The following CDC42SE2 variants were observed in gnomAD, a reference collection of about 807,000 sequenced individuals.
CDC42SE2 encodes CDC42 small effector protein 2.
In CDC42SE2, 3 loss-of-function variants were observed where a neutral mutation model predicts 11.5. The observed-to-expected ratio is 0.26, with a 90% CI of 0.12 to 0.67. CDC42SE2 has a LOEUF of 0.67. Ranked by LOEUF, CDC42SE2 falls within the 30% of genes least tolerant of loss-of-function variation. The pLI, the probability that CDC42SE2 is intolerant of heterozygous loss-of-function variation, is 0.80. For missense variants in CDC42SE2, 82 were observed against 106.8 expected, an observed-to-expected ratio of 0.77 and a Z score of 1.02; for synonymous variants, 33 against 34.8, an observed-to-expected ratio of 0.95 and a Z score of 0.18.
the CDC42SE2 span, among the ~76,000 whole-genome samples, chr5:131,213,805 T>G: frequency 6.6e-6 from 1 of 152,248 alleles, no homozygotes; most frequent in East Asian, 1.9e-4. Flanking sequence ...TTCTGGCAAT[T>G]CATTGTTAAT....
At chr5:131,331,504 C>T (rs997173018) in intron 2 of CDC42SE2, among the ~76,000 whole-genome samples, 3 of 152,048 alleles carry the variant, frequency 2.0e-5, no homozygotes, top group African/African-American at 4.8e-5. Flanking sequence ...GATAATACCG[C>T]TTAGGATTAC....
intron 2 of CDC42SE2, among the ~76,000 whole-genome samples, chr5:131,344,369 G>C (rs971418443): frequency 2.0e-5 from 3 of 152,212 alleles, no homozygotes; most frequent in Admixed American, 6.5e-5. Context: ...GCCTGACTAA[G>C]AGGGTCCCAT....
intron 1 of CDC42SE2, among the ~76,000 whole-genome samples, chr5:131,309,241 A>G (rs1268880645): frequency 1.3e-5 from 2 of 151,412 alleles, no homozygotes; most frequent in Non-Finnish European, 3.0e-5. Context: ...TATATGCTGG[A>G]TTACATTTAT....
chr5:131,266,218 A>G (rs921841640), intron 1 of CDC42SE2, among the ~76,000 whole-genome samples: 121 of 152,272 alleles, frequency 7.9e-4, no homozygotes, highest in African/African-American at 2.7e-3. Context: ...ATCTATTTAT[A>G]TATGTTTAAA....
chr5:131,359,601 T>TC, intron 3 of CDC42SE2, 54 bp downstream of exon 3: 1 of 1,309,788 alleles, frequency 7.6e-7, no homozygotes, highest in South Asian at 1.2e-5. Flanking sequence ...AACTTTCCAC[T>TC]GGTTCTCAAA....
the CDC42SE2 span, among the ~76,000 whole-genome samples, chr5:131,223,655 C>G: frequency 6.6e-6 from 1 of 152,188 alleles, no homozygotes; most frequent in East Asian, 1.9e-4. Flanking sequence ...TTTAACCCTT[C>G]ACTAAATCAT....
At chr5:131,232,389 A>G in the CDC42SE2 span, among the ~76,000 whole-genome samples, 1 of 152,140 alleles carries the variant, frequency 6.6e-6, no homozygotes, top group African/African-American at 2.4e-5. Context: ...TGCTAGGATT[A>G]CAGGTTTGAA....
intron 1 of CDC42SE2, among the ~76,000 whole-genome samples, chr5:131,249,168 C>T (rs2149682738): frequency 6.6e-6 from 1 of 152,098 alleles, no homozygotes; most frequent in East Asian, 1.9e-4. Flanking sequence ...CAGGCATACA[C>T]CACCACGCCT....
rs1472405327 is a variant in CDC42SE2, at chr5:131,311,008, C to T, written c.-454-4968C>T. Among the ~76,000 whole-genome samples the T allele has an allele frequency of 4.7e-5, 7 of 149,850 alleles. No individual in the cohort carries two copies. In the East Asian group the frequency reaches 7.8e-4, roughly 17 times the overall value. On this transcript the variant is annotated intron_variant, in intron 1 of 4. Transcript: ENST00000505065. Reference sequence around the variant, plus strand: ...TATGATGTTAGCTGGTTATTTTGCTCGTTAGTTGATGCAGTTTCTTCCTAG... The same window carrying T: ...TATGATGTTAGCTGGTTATTTTGCTTGTTAGTTGATGCAGTTTCTTCCTAG...
chr5:131,386,899 G>T (rs1750503440), intron 4 of CDC42SE2, among the ~76,000 whole-genome samples: 2 of 152,198 alleles, frequency 1.3e-5, no homozygotes. Flanking sequence ...AGGTAGATGG[G>T]TATCCTGGAT....
At chr5:131,283,001 C>T (rs931809290) in intron 1 of CDC42SE2, among the ~76,000 whole-genome samples, 11 of 149,590 alleles carry the variant, frequency 7.4e-5, no homozygotes, top group African/African-American at 2.7e-4. Flanking sequence ...AGTCTCGGCT[C>T]ACCGCAGCCT....
At position 131,359,259 on chromosome 5, in the gene CDC42SE2, G is replaced by C. The variant is rs555769542; in HGVS notation, c.-235G>C. ...AGACAACAATTTTTATACCTTCGTCGTGGTTCAGAAAGGAGTCTCTGTAGA... is the reference window on the plus strand; with the variant it reads ...AGACAACAATTTTTATACCTTCGTCCTGGTTCAGAAAGGAGTCTCTGTAGA... On this transcript the variant is annotated 5_prime_UTR_variant, in exon 3 of 5. Coordinates refer to ENST00000505065, the MANE Select transcript of CDC42SE2 (RefSeq NM_001375635.1). 1.8e-6 allele frequency: 1 copy of C among 541,764 alleles called. No individual in the cohort carries two copies. Among genetic ancestry groups the C allele is most frequent in the East Asian group, 3.1e-5 (1 of 32,314 alleles). The allele number at this position is 541,764 out of a possible 1,614,324, so 33.6% of individuals were successfully genotyped here.
At chr5:131,339,821 AAAGAG>A (rs963373079) in intron 2 of CDC42SE2, among the ~76,000 whole-genome samples, 16 of 150,402 alleles carry the variant, frequency 1.1e-4, no homozygotes, top group Middle Eastern at 3.4e-3. Flanking sequence ...AAAAAAAAAA[AAAGAG>A]AGAGAAAATT....
chr5:131,355,312 A>C (rs547233608), intron 2 of CDC42SE2, among the ~76,000 whole-genome samples: 2 of 152,258 alleles, frequency 1.3e-5, no homozygotes, highest in East Asian at 3.9e-4. Context: ...CCCTGTCTCT[A>C]TAAAAAGTTC....
At chr5:131,336,153 G>A (rs1420448099) in intron 2 of CDC42SE2, among the ~76,000 whole-genome samples, 2 of 152,164 alleles carry the variant, frequency 1.3e-5, no homozygotes, top group African/African-American at 2.4e-5. Flanking sequence ...AGCTCTTTTA[G>A]GGCAGGCCTG....
At chr5:131,286,842 T>C (rs888325812) in intron 1 of CDC42SE2, among the ~76,000 whole-genome samples, 1 of 152,044 alleles carries the variant, frequency 6.6e-6, no homozygotes, top group African/African-American at 2.4e-5. Context: ...ATGGACTGTT[T>C]CTGTTAATGT....
rs1580755084 is a variant in CDC42SE2 at position 131,325,751 on chromosome 5, T to C, written c.-286+9607T>C. ...TTAGAGAATGGTGGCTGAACTGGAA[T>C]TAAAGTTCTGTCAGCAATGTTGCCT... On this transcript the variant is annotated intron_variant, in intron 2 of 4. Transcript: ENST00000505065. 2.0e-5 allele frequency among the ~76,000 whole-genome samples: 3 copies of C among 152,216 alleles called. No homozygotes were observed. The South Asian group carries it at 6.2e-4, about 32-fold the overall frequency.
At chr5:131,273,241 C>T (rs1171323078) in intron 1 of CDC42SE2, among the ~76,000 whole-genome samples, 5 of 148,422 alleles carry the variant, frequency 3.4e-5, no homozygotes, top group African/African-American at 7.4e-5. Flanking sequence ...CTGCAACCTC[C>T]GCCTCCTGGG....
intron 1 of CDC42SE2, among the ~76,000 whole-genome samples, chr5:131,313,113 G>A (rs1357441946): frequency 6.6e-6 from 1 of 151,842 alleles, no homozygotes; most frequent in Non-Finnish European, 1.5e-5. Context: ...CTCCCTTGTA[G>A]CTGGGACTAC....
Sources: allele counts gnomAD v4.1 joint callset (sites outside exome capture counted in the v4.1 genomes callset), GRCh38; gene constraint gnomAD v4.1.1; transcripts MANE v1.5; gene names NCBI Gene and HGNC (gene_info 2026-07-23, HGNC 2026-07-21).